ARHGAP42: variants seen among roughly 807,000 people sequenced by gnomAD.
ARHGAP42 encodes the protein rho GTPase-activating protein 42.
ARHGAP42 carries 63 observed loss-of-function variants against 125.0 expected under a neutral mutation model. That is an observed-to-expected ratio of 0.50 (90% CI 0.41 to 0.62). The LOEUF is 0.62. ARHGAP42 is among the 20% of genes least tolerant of loss of function. The pLI is 0.00. For synonymous variants in ARHGAP42, 339 were observed against 351.0 expected, an observed-to-expected ratio of 0.97 and a Z score of 0.38; for missense variants, 766 against 1,024.2, an observed-to-expected ratio of 0.75 and a Z score of 3.44.
intron 22 of ARHGAP42, 87 bp from the exon 23 acceptor site, chr11:100,987,426 A>G (rs1022377348): frequency 9.8e-6 from 11 of 1,120,838 alleles, no homozygotes; most frequent in Non-Finnish European, 1.4e-5. Context: ...ACAAGTAAAA[A>G]TTAATAGCAT....
chr11:100,786,456 C>G (rs1863435889), intron 2 of ARHGAP42, among the ~76,000 whole-genome samples: 2 of 152,006 alleles, frequency 1.3e-5, no homozygotes, highest in African/African-American at 4.8e-5. Context: ...AAATGTTGTC[C>G]TTTTTGCATT....
chr11:100,738,659 T>G (rs931475488), intron 1 of ARHGAP42, among the ~76,000 whole-genome samples: 34 of 151,134 alleles, frequency 2.2e-4, no homozygotes, highest in African/African-American at 8.4e-4. Flanking sequence ...TTTATTCCTC[T>G]AAATAAAGTA....
At chr11:100,720,312 G>C (rs184050340) in intron 1 of ARHGAP42, among the ~76,000 whole-genome samples, 1 of 152,280 alleles carries the variant, frequency 6.6e-6, no homozygotes, top group Admixed American at 6.5e-5. Flanking sequence ...AAAAGTTTAA[G>C]GTGGGATTCC....
chr11:100,806,353 A>G (rs1343767108), intron 3 of ARHGAP42, among the ~76,000 whole-genome samples: 4 of 152,174 alleles, frequency 2.6e-5, no homozygotes, highest in Non-Finnish European at 5.9e-5. Context: ...TGCCCTCGAT[A>G]GGTGATACTG....
chr11:100,845,655 C>T (rs1399542440), intron 3 of ARHGAP42, among the ~76,000 whole-genome samples: 1 of 152,130 alleles, frequency 6.6e-6, no homozygotes, highest in Admixed American at 6.6e-5. Flanking sequence ...GAAAACCTAC[C>T]TAGGGGTAGC....
intron 3 of ARHGAP42, among the ~76,000 whole-genome samples, chr11:100,815,255 A>G (rs1039569622): frequency 2.6e-5 from 4 of 152,196 alleles, no homozygotes; most frequent in Non-Finnish European, 4.4e-5. Flanking sequence ...TGTTTCATAG[A>G]CATCCTTGCA....
chr11:100,970,671 C>T (rs536078755), intron 17 of ARHGAP42, among the ~76,000 whole-genome samples: 7 of 152,104 alleles, frequency 4.6e-5, no homozygotes, highest in South Asian at 2.1e-4. Context: ...TATGATTTAG[C>T]GAGAGAGTCA....
chr11:100,736,613 A>T (rs945077587), intron 1 of ARHGAP42, among the ~76,000 whole-genome samples: 1 of 152,122 alleles, frequency 6.6e-6, no homozygotes, highest in African/African-American at 2.4e-5. Context: ...ATGGATTTTC[A>T]AACAATACTC....
Position 100,836,735 on chromosome 11 carries a change from T to C in ARHGAP42, c.313-22819T>C, listed in dbSNP as rs577879778. Among the ~76,000 whole-genome samples the C allele has an allele frequency of 2.7e-4, 41 of 149,716 alleles. 1 individual carries two copies. The highest frequency in any genetic ancestry group is 9.5e-4 in the African/African-American group (39 of 41,116). On this transcript the variant is annotated intron_variant, in intron 3 of 23. Transcript: ENST00000298815. ...TTTTTTTTTGTTGTTGTTTTCTTTT[T>C]TTTTTTTTTGGTTAACTAAATGAAA...
intron 3 of ARHGAP42, among the ~76,000 whole-genome samples, chr11:100,802,606 T>A (rs1158559005): frequency 7.2e-6 from 1 of 139,768 alleles, no homozygotes. Flanking sequence ...TGTATTTTTG[T>A]TTTTTTAGTA....
chr11:100,815,032 G>A (rs767706056), intron 3 of ARHGAP42, among the ~76,000 whole-genome samples: 5 of 152,182 alleles, frequency 3.3e-5, no homozygotes, highest in Non-Finnish European at 7.3e-5. Flanking sequence ...TCTAAAACAA[G>A]TGCTCCCTCT....
At chr11:100,845,938 G>A (rs546223340) in intron 3 of ARHGAP42, among the ~76,000 whole-genome samples, 3 of 152,254 alleles carry the variant, frequency 2.0e-5, no homozygotes, top group African/African-American at 7.2e-5. Flanking sequence ...TAAGACAGCA[G>A]GCCATTGCTT....
At chr11:100,914,107 G>A (rs1055155103) in intron 5 of ARHGAP42, among the ~76,000 whole-genome samples, 2 of 152,006 alleles carry the variant, frequency 1.3e-5, no homozygotes, top group African/African-American at 4.8e-5. Context: ...GCTAATTTTT[G>A]TATTTTTAAT....
At chr11:100,717,911 G>A (rs551838320) in intron 1 of ARHGAP42, among the ~76,000 whole-genome samples, 13 of 124,944 alleles carry the variant, frequency 1.0e-4, no homozygotes, top group East Asian at 9.7e-4. Context: ...GCAACAGAGC[G>A]AGACTCTGCC....
In ARHGAP42 at chr11:100,978,717, C is replaced by CGAG. The variant is rs1461531959; in HGVS notation, c.2394-270_2394-269insGAG. Among the ~76,000 whole-genome samples, 10 of 152,180 alleles carry CGAG rather than the reference C, an allele frequency of 6.6e-5. No homozygotes were observed. In the South Asian group the frequency reaches 2.1e-3, roughly 32 times the overall value. ...AGAGAAAATGTTCCTTTTACTGCTCCCATGGTTTTCTGAGATAAAAAGGAT... is the reference window on the plus strand; with the variant it reads ...AGAGAAAATGTTCCTTTTACTGCTCCGAGCATGGTTTTCTGAGATAAAAAGGAT... On this transcript the variant is annotated intron_variant, in intron 21 of 23. Transcript: ENST00000298815.
At chr11:100,940,971 G>A (rs1024251083) in intron 8 of ARHGAP42, among the ~76,000 whole-genome samples, 11 of 152,124 alleles carry the variant, frequency 7.2e-5, no homozygotes, top group African/African-American at 2.7e-4. Flanking sequence ...TAACCGCTAA[G>A]AAGAAATGAA....
At chr11:100,862,795 C>T (rs140774321) in intron 4 of ARHGAP42, among the ~76,000 whole-genome samples, 1 of 152,190 alleles carries the variant, frequency 6.6e-6, no homozygotes, top group Non-Finnish European at 1.5e-5. Flanking sequence ...CTTTCGGAGG[C>T]TGAGGCAGGT....
intron 4 of ARHGAP42, among the ~76,000 whole-genome samples, chr11:100,864,443 A>G (rs1865520479): frequency 6.6e-6 from 1 of 152,052 alleles, no homozygotes; most frequent in South Asian, 2.1e-4. Flanking sequence ...CAGCCTCCCA[A>G]AGTGCTGGGA....
At chr11:100,805,447 G>T (rs914922300) in intron 3 of ARHGAP42, among the ~76,000 whole-genome samples, 2 of 152,116 alleles carry the variant, frequency 1.3e-5, no homozygotes, top group Non-Finnish European at 2.9e-5. Flanking sequence ...TTTTCAATAA[G>T]TTCATCATAT....
Sources: allele counts gnomAD v4.1 joint callset (sites outside exome capture counted in the v4.1 genomes callset), GRCh38; gene constraint gnomAD v4.1.1; transcripts MANE v1.5; gene names NCBI Gene and HGNC (gene_info 2026-07-23, HGNC 2026-07-21).